ERAP1: variants seen among roughly 807,000 people sequenced by gnomAD.
ERAP1 encodes the protein adipocyte-derived leucine aminopeptidase.
A neutral mutation model predicts 103.7 loss-of-function variants in ERAP1; 86 were observed. That is an observed-to-expected ratio of 0.83 (90% CI 0.70 to 0.99). The LOEUF is 0.99. ERAP1 is among the 50% of genes least tolerant of loss of function. ERAP1 has a pLI of 0.00. For synonymous variants in ERAP1, 398 were observed against 402.4 expected, an observed-to-expected ratio of 0.99 and a Z score of 0.13; for missense variants, 1,009 against 1,128.4, an observed-to-expected ratio of 0.89 and a Z score of 1.52.
chr5:96,776,264 G>T lies in ERAP1; in HGVS notation c.*132C>A, dbSNP rs1263025438. 1 of 1,413,360 alleles carries T rather than the reference G, an allele frequency of 7.1e-7. No individual in the cohort carries two copies. The highest frequency in any genetic ancestry group is 9.5e-7 in the Non-Finnish European group (1 of 1,052,444). 87.6% of individuals were successfully genotyped at this position (1,413,360 alleles called of 1,614,324 possible). ...AACTAACAGCTATTCTTTTCACAGG[G>T]ATAGTCAAAAAATGAGTTGAAGGGA... On this transcript the variant is annotated 3_prime_UTR_variant, in exon 19 of 19. Transcript: ENST00000443439.
the ERAP1 span, among the ~76,000 whole-genome samples, chr5:96,880,610 A>G: frequency 6.6e-6 from 1 of 152,266 alleles, no homozygotes; most frequent in African/African-American, 2.4e-5. Flanking sequence ...CCAGAAGGAA[A>G]TGTAAGTGAG....
the ERAP1 span, among the ~76,000 whole-genome samples, chr5:96,931,431 G>A: frequency 6.6e-6 from 1 of 152,168 alleles, no homozygotes; most frequent in Non-Finnish European, 1.5e-5. Context: ...TGCTGGAATT[G>A]CAGGTGTGAG....
the ERAP1 span, among the ~76,000 whole-genome samples, chr5:96,911,041 G>T: frequency 1.3e-5 from 2 of 152,190 alleles, no homozygotes; most frequent in East Asian, 3.8e-4. Flanking sequence ...TTATTCAAAT[G>T]TCACTTGGGG....
At chr5:96,761,189 T>C (rs1767829211) in exon 20 of ERAP1, 1 of 152,216 alleles carries the variant, frequency 6.6e-6, no homozygotes, top group Non-Finnish European at 1.5e-5. Flanking sequence ...CCATAGGTTG[T>C]TTCATACTTA....
Position 96,790,658 on chromosome 5 carries a change from G to T in ERAP1, c.1321-15C>A. On this transcript the variant is annotated splice_polypyrimidine_tract_variant and intron_variant, in intron 8 of 18. Coordinates refer to ENST00000443439, the MANE Select transcript of ERAP1 (RefSeq NM_001040458.3). ...ATACAAGCTCCCTGAAAAGATAATA[G>T]AAATAATTGTTATCTATAGTTTCAT... 1 of 1,597,296 alleles carries T rather than the reference G, an allele frequency of 6.3e-7. No individual in the cohort carries two copies. The highest frequency in any genetic ancestry group is 8.6e-7 in the Non-Finnish European group (1 of 1,164,862).
the ERAP1 span, among the ~76,000 whole-genome samples, chr5:96,898,364 C>T: frequency 2.0e-5 from 3 of 151,846 alleles, no homozygotes; most frequent in Non-Finnish European, 4.4e-5. Context: ...ATCCAACAAT[C>T]AAAAATTATT....
At chr5:96,843,264 C>G in the ERAP1 span, among the ~76,000 whole-genome samples, 1 of 152,110 alleles carries the variant, frequency 6.6e-6, no homozygotes, top group South Asian at 2.1e-4. Context: ...ATTTTGTGTA[C>G]ACCCTAAGTA....
the ERAP1 span, among the ~76,000 whole-genome samples, chr5:96,828,291 A>G: frequency 6.6e-6 from 1 of 152,208 alleles, no homozygotes; most frequent in Non-Finnish European, 1.5e-5. Context: ...TGATACATTT[A>G]GGAAAGTTTA....
At chr5:96,815,812 ACTTG>A in the ERAP1 span, among the ~76,000 whole-genome samples, 2 of 152,282 alleles carry the variant, frequency 1.3e-5, no homozygotes, top group Non-Finnish European at 2.9e-5. Flanking sequence ...TGCTTAAGAA[ACTTG>A]CTTAACAGAA....
the ERAP1 span, among the ~76,000 whole-genome samples, chr5:96,887,100 TACACAC>T: frequency 0.54 from 74,784 of 137,422 alleles, 19,609 homozygotes; most frequent in Middle Eastern, 0.64. Context: ...TATATATATA[TACACAC>T]ACACACACAC....
At chr5:96,926,322 G>A in the ERAP1 span, among the ~76,000 whole-genome samples, 1 of 152,170 alleles carries the variant, frequency 6.6e-6, no homozygotes, top group Non-Finnish European at 1.5e-5. Flanking sequence ...AATTTACATG[G>A]CATAAAATTC....
chr5:96,886,615 C>T, the ERAP1 span: 4 of 1,451,374 alleles, frequency 2.8e-6, no homozygotes, highest in Non-Finnish European at 3.7e-6. Flanking sequence ...ATGAAATACT[C>T]CAGTTTTCAA....
chr5:96,764,202 A>G (rs997348580), intron 19 of ERAP1, among the ~76,000 whole-genome samples: 1 of 152,202 alleles, frequency 6.6e-6, no homozygotes, highest in Non-Finnish European at 1.5e-5. Flanking sequence ...AATACTAATA[A>G]TAATTTACCA....
intron 19 of ERAP1, chr5:96,768,041 TG>T (rs1561624516): frequency 8.2e-7 from 1 of 1,224,910 alleles, no homozygotes; most frequent in South Asian, 1.2e-5. Flanking sequence ...AATGTGTGTG[TG>T]TGTATGTGTA....
chr5:96,765,559 G>A (rs113045069), intron 19 of ERAP1, among the ~76,000 whole-genome samples: 3 of 152,112 alleles, frequency 2.0e-5, no homozygotes, highest in Admixed American at 6.5e-5. Flanking sequence ...GTAGGTGTGG[G>A]GTATGCATGG....
upstream of ERAP1, among the ~76,000 whole-genome samples, chr5:96,811,152 G>C (rs1413052172): frequency 1.3e-5 from 2 of 151,830 alleles, no homozygotes; most frequent in African/African-American, 2.4e-5. Flanking sequence ...TCTTGATAAA[G>C]AGGATGACTT....
chr5:96,849,826 G>A, the ERAP1 span, among the ~76,000 whole-genome samples: 3 of 152,146 alleles, frequency 2.0e-5, no homozygotes, highest in African/African-American at 7.2e-5. Flanking sequence ...AAAGAACTAA[G>A]CTGGAGGCAT....
the ERAP1 span, among the ~76,000 whole-genome samples, chr5:96,871,063 G>A: frequency 6.6e-6 from 1 of 152,168 alleles, no homozygotes; most frequent in Non-Finnish European, 1.5e-5. Context: ...TCCAAAGCCT[G>A]CCCTCCCACA....
chr5:96,896,639 C>T, the ERAP1 span: 2 of 1,429,088 alleles, frequency 1.4e-6, no homozygotes, highest in South Asian at 1.4e-5. Flanking sequence ...TCAGACATCA[C>T]ACATGTTCCG....
Sources: gnomAD v4.1 joint callset for allele counts (sites outside exome capture counted in the v4.1 genomes callset) on GRCh38, gnomAD v4.1.1 for gene constraint, MANE v1.5 for transcripts, NCBI Gene and HGNC (gene_info 2026-07-23, HGNC 2026-07-21) for gene names.